The following RIN2 variants were observed in gnomAD, a reference collection of about 807,000 sequenced individuals.
RIN2 encodes the protein RAB5 interacting protein 2.
In RIN2, 36 loss-of-function variants were observed where a neutral mutation model predicts 78.0. That is an observed-to-expected ratio of 0.46 (90% confidence interval 0.35 to 0.61). RIN2 has a LOEUF of 0.61. Among genes scored for constraint, RIN2 ranks in the 20% least tolerant of loss-of-function variants. RIN2 has a pLI of 0.00. For synonymous variants in RIN2, 466 were observed against 466.8 expected, an observed-to-expected ratio of 1.00 and a Z score of 0.02; for missense variants, 1,087 against 1,159.7, an observed-to-expected ratio of 0.94 and a Z score of 0.91.
In RIN2 at chr20:19,935,159, G is replaced by C. The variant is rs561049479; in HGVS notation, c.118G>C (p.Val40Leu). ...ELKQEMVRTD[V>L]NLENGLEPAE... The stretch of plus-strand genomic sequence containing the variant: ...GAAACAGGAGATGGTGCGGACAGAT[G>C]TCAACCTGGAAAATGGCCTGGAACC... Residue 40 changes from valine (V) to leucine (L), a missense_variant, in exon 4 of 13, where the codon GTC (valine) becomes CTC (leucine). Physicochemically the swap from Val to Leu is conservative, Grantham distance 32 (BLOSUM62 1). Around this residue, in one of 8 missense-constraint regions of RIN2, gnomAD observed 706 missense variants for 667.5 expected, o/e 1.06. Coordinates refer to ENST00000255006, the MANE Select transcript of RIN2 (RefSeq NM_018993.4). The C allele has an allele frequency of 1.3e-5, 21 of 1,604,706 alleles. No individual in the cohort carries two copies. In the East Asian group the frequency reaches 3.8e-4, roughly 29 times the overall value.
chr20:19,986,214 C>A (rs1306569136), intron 9 of RIN2, among the ~76,000 whole-genome samples: 1 of 152,044 alleles, frequency 6.6e-6, no homozygotes, highest in African/African-American at 2.4e-5. Flanking sequence ...TTTTCCTTCT[C>A]GCTTTATGAG....
chr20:19,866,344 C>T (rs2037505040), intron 2 of RIN2, among the ~76,000 whole-genome samples: 1 of 152,112 alleles, frequency 6.6e-6, no homozygotes, highest in Non-Finnish European at 1.5e-5. Context: ...TCCTGCTGTG[C>T]AGTCTTGGGG....
At chr20:19,761,513 C>A (rs2033640712) in intron 1 of RIN2, among the ~76,000 whole-genome samples, 1 of 152,168 alleles carries the variant, frequency 6.6e-6, no homozygotes, top group Non-Finnish European at 1.5e-5. Flanking sequence ...GGCCACAGAA[C>A]ACTCTTTCTC....
intron 1 of RIN2, among the ~76,000 whole-genome samples, chr20:19,769,878 A>G (rs1460811837): frequency 6.6e-6 from 1 of 152,244 alleles, no homozygotes; most frequent in Non-Finnish European, 1.5e-5. Context: ...TTACTAAGGT[A>G]TATTTCACTT....
chr20:19,791,789 A>G (rs2034895396), intron 1 of RIN2, among the ~76,000 whole-genome samples: 1 of 152,200 alleles, frequency 6.6e-6, no homozygotes, highest in Non-Finnish European at 1.5e-5. Flanking sequence ...TCATATTCTC[A>G]TGCAAACTCA....
At chr20:19,981,479 C>A (rs1406195815) in intron 9 of RIN2, among the ~76,000 whole-genome samples, 1 of 152,190 alleles carries the variant, frequency 6.6e-6, no homozygotes, top group Non-Finnish European at 1.5e-5. Flanking sequence ...GAATTAAGCT[C>A]CACCTCCCAG....
chr20:19,792,623 G>C (rs1019031775), intron 1 of RIN2, among the ~76,000 whole-genome samples: 6 of 152,150 alleles, frequency 3.9e-5, no homozygotes, highest in African/African-American at 1.4e-4. Flanking sequence ...GCTAAAGGGG[G>C]GACAGTGATG....
At chr20:19,851,985 G>T (rs1340520720) in intron 2 of RIN2, among the ~76,000 whole-genome samples, 1 of 152,112 alleles carries the variant, frequency 6.6e-6, no homozygotes, top group Admixed American at 6.5e-5. Flanking sequence ...TGCAAGTCGT[G>T]GATTGGTTCA....
chr20:19,852,520 T>A (rs1232748661), intron 2 of RIN2, among the ~76,000 whole-genome samples: 1 of 152,136 alleles, frequency 6.6e-6, no homozygotes, highest in East Asian at 1.9e-4. Context: ...CAAGAAGCAT[T>A]GGTTGGGCGA....
intron 1 of RIN2, among the ~76,000 whole-genome samples, chr20:19,787,719 G>A (rs2034729577): frequency 6.6e-6 from 1 of 152,144 alleles, no homozygotes; most frequent in Admixed American, 6.6e-5. Context: ...CTCAATAAGT[G>A]GTAGCTAGTG....
intron 6 of RIN2, among the ~76,000 whole-genome samples, chr20:19,963,635 G>C (rs1436921798): frequency 6.7e-6 from 1 of 148,996 alleles, no homozygotes; most frequent in East Asian, 2.0e-4. Context: ...AGGCAAATAA[G>C]CAAAATAAAT....
In RIN2 at chr20:19,974,687, C is replaced by T; in HGVS notation, c.662C>T (p.Pro221Leu). The T allele has an allele frequency of 2.5e-6, 4 of 1,613,756 alleles. No individual in the cohort carries two copies. Among genetic ancestry groups the T allele is most frequent in the South Asian group, 2.2e-5 (2 of 91,082 alleles). ...FWSSPADSKP[P>L]NLPPPHRPLS... ...AGCTCCCCAGCTGACAGCAAACCCC[C>T]GAACCTTCCACCTCCCCATAGGCCT... The change falls in exon 9 of 13, where the codon CCG becomes CTG. Residue 221 changes from proline (P) to leucine (L), a missense_variant. Physicochemically the swap from Pro to Leu is moderately conservative, Grantham distance 98 (BLOSUM62 -3). Coordinates refer to ENST00000255006, the MANE Select transcript of RIN2 (RefSeq NM_018993.4).
At chr20:19,955,425 C>A (rs1180427471) in intron 4 of RIN2, among the ~76,000 whole-genome samples, 3 of 152,070 alleles carry the variant, frequency 2.0e-5, no homozygotes, top group African/African-American at 7.2e-5. Flanking sequence ...CAGCCTTAAA[C>A]TCCCAGGCTA....
At chr20:19,834,933 G>C (rs1450459537) in intron 2 of RIN2, among the ~76,000 whole-genome samples, 2 of 130,536 alleles carry the variant, frequency 1.5e-5, no homozygotes, top group Admixed American at 1.7e-4. Flanking sequence ...AACAGAGCAG[G>C]ACCCTGTGAA....
chr20:19,848,803 C>T (rs1055956426), intron 2 of RIN2, among the ~76,000 whole-genome samples: 1 of 152,104 alleles, frequency 6.6e-6, no homozygotes, highest in African/African-American at 2.4e-5. Flanking sequence ...GTTATTCTAG[C>T]CTGACATAGA....
At chr20:19,868,248 C>A (rs1009094447) in intron 2 of RIN2, among the ~76,000 whole-genome samples, 5 of 152,206 alleles carry the variant, frequency 3.3e-5, no homozygotes, top group Admixed American at 2.0e-4. Context: ...ATCGCCTGAC[C>A]CAGGCTGGGG....
intron 3 of RIN2, among the ~76,000 whole-genome samples, chr20:19,912,970 G>A (rs1035853702): frequency 6.6e-6 from 1 of 152,202 alleles, no homozygotes; most frequent in African/African-American, 2.4e-5. Flanking sequence ...CAGTCCATGC[G>A]CATGGGTCCA....
At chr20:19,852,829 G>A (rs1158237052) in intron 2 of RIN2, among the ~76,000 whole-genome samples, 1 of 152,024 alleles carries the variant, frequency 6.6e-6, no homozygotes, top group Non-Finnish European at 1.5e-5. Flanking sequence ...AGGATAAGGT[G>A]CTTTACATAT....
chr20:19,912,542 G>A (rs972847022), intron 3 of RIN2, among the ~76,000 whole-genome samples: 3 of 141,184 alleles, frequency 2.1e-5, no homozygotes, highest in African/African-American at 5.3e-5. Context: ...GCCATGCTGC[G>A]ATTTCGGCTC....
Sources: gnomAD v4.1 joint callset for allele counts (sites outside exome capture counted in the v4.1 genomes callset) on GRCh38, gnomAD v4.1.1 for gene constraint, gnomAD v4.1.1 regional missense constraint, MANE v1.5 for transcripts, NCBI Gene and HGNC (gene_info 2026-07-23, HGNC 2026-07-21) for gene names.